Variants in SLC28A1 observed in about 807,000 individuals in gnomAD.
The protein encoded by SLC28A1 is solute carrier family 28 member 1.
In SLC28A1, 64 loss-of-function variants were observed where a neutral mutation model predicts 74.8. The ratio of observed to expected loss-of-function variants is 0.86; its 90% CI spans 0.70 to 1.05. SLC28A1 has a LOEUF of 1.05. Among genes scored for constraint, SLC28A1 ranks in the 50% least tolerant of loss-of-function variants. The pLI is 0.00. For synonymous variants in SLC28A1, 359 were observed against 335.0 expected, an observed-to-expected ratio of 1.07 and a Z score of -0.78; for missense variants, 828 against 822.8, an observed-to-expected ratio of 1.01 and a Z score of -0.08.
rs1972943093 is a variant in SLC28A1, at chr15:84,943,441, T to G, written c.1582-4T>G. 6.2e-7 allele frequency: 1 copy of G among 1,612,612 alleles called. No homozygotes were observed. The highest frequency in any genetic ancestry group is 1.7e-5 in the Admixed American group (1 of 59,992). Reference sequence around the variant, plus strand: ...CCCTCCTCATGCATCTTCTGTATTTTCAGGTCAGAGCTGAAGTCCTCACGA... The same window carrying G: ...CCCTCCTCATGCATCTTCTGTATTTGCAGGTCAGAGCTGAAGTCCTCACGA... On this transcript the variant is annotated splice_polypyrimidine_tract_variant and splice_region_variant and intron_variant, in intron 15 of 18. Transcript: ENST00000394573.
chr15:84,956,476 T>TTTCTTTCC, the SLC28A1 span, among the ~76,000 whole-genome samples: 976 of 119,834 alleles, frequency 8.1e-3, 19 homozygotes, highest in African/African-American at 0.028. Context: ...TCCTTCTTTC[T>TTTCTTTCC]TTCTTTCTTT....
intron 1 of SLC28A1, chr15:84,886,107 C>T (rs1964570228): frequency 2.0e-6 from 2 of 984,010 alleles, no homozygotes; most frequent in African/African-American, 3.5e-5. Context: ...GCATTCAGCC[C>T]TTCGCTTTGC....
intron 13 of SLC28A1, 63 bp downstream of exon 13, chr15:84,933,338 G>A: frequency 1.3e-6 from 2 of 1,578,012 alleles, no homozygotes; most frequent in Non-Finnish European, 1.7e-6. Flanking sequence ...GCAAAGCAGA[G>A]GGTCCCGTTC....
At position 84,894,986 on chromosome 15, in the gene SLC28A1, G is replaced by A. The variant is rs771711752; in HGVS notation, c.324G>A (p.Arg108=). The change falls in exon 6 of 19, where the codon AGG becomes AGA. Residue 108 remains arginine, a synonymous_variant. Transcript: ENST00000394573. ...LLVACLLDFQ[R]ALALFVLTCV... ...TGGCCTGCCTCCTGGATTTCCAGAG[G>A]GCCCTGGCTCTGTTTGTCCTCACCT... 1.5e-5 allele frequency: 25 copies of A among 1,614,068 alleles called. No homozygotes were observed. In the South Asian group the frequency reaches 2.3e-4, roughly 15 times the overall value.
chr15:84,885,018 G>A lies in SLC28A1; in HGVS notation c.-133+267G>A, dbSNP rs147078107. 8.2e-3 allele frequency among the ~76,000 whole-genome samples: 1,244 copies of A among 152,274 alleles called. 16 individuals carry two copies. The highest frequency in any genetic ancestry group is 0.029 in the African/African-American group (1,185 of 41,556). On this transcript the variant is annotated intron_variant, in intron 1 of 18. Transcript: ENST00000394573. ...CTGTTGCCGAGGCTGGAGTGCAGTG[G>A]TGTGATCTCTGCTCACTGCAGCCTC...
chr15:84,933,869 G>C (rs1971585322), intron 13 of SLC28A1, among the ~76,000 whole-genome samples: 1 of 152,190 alleles, frequency 6.6e-6, no homozygotes, highest in Admixed American at 6.5e-5. Context: ...CAGCAACTTA[G>C]GGGGCTGAGG....
chr15:84,944,770 C>T lies in SLC28A1; in HGVS notation c.1777C>T (p.Pro593Ser). 9 of 1,613,750 alleles carry T rather than the reference C, an allele frequency of 5.6e-6. No homozygotes were observed. The highest frequency in any genetic ancestry group is 7.6e-6 in the Non-Finnish European group (9 of 1,179,668). The change falls in exon 18 of 19, where the codon CCC becomes TCC. Residue 593 changes from proline to serine, a missense_variant. Transcript: ENST00000394573. The part of the protein sequence containing the change: ...NACMAGILYM[P>S]RGAEVDCMSL... Reference sequence around the variant, plus strand: ...TCCCTCTACAGGGATCCTCTACATGCCCAGGGGGGCTGAAGTTGACTGCAT... The same window carrying T: ...TCCCTCTACAGGGATCCTCTACATGTCCAGGGGGGCTGAAGTTGACTGCAT...
In SLC28A1 at chr15:84,920,314, C is replaced by T. The variant is rs764011761; in HGVS notation, c.877-675C>T. 8.5e-5 allele frequency among the ~76,000 whole-genome samples: 13 copies of T among 152,176 alleles called. 1 individual carries two copies. Among genetic ancestry groups the T allele is most frequent in the Admixed American group, 2.6e-4 (4 of 15,268 alleles). On this transcript the variant is annotated intron_variant, in intron 10 of 18. Transcript: ENST00000394573. ...TACAAAAATTAGCCGGGCATGGTGG[C>T]GAGTGCCTGTAGTCCCAACTACTCA... is the stretch of plus-strand genomic sequence containing the variant.
chr15:84,922,524 C>T (rs554446128), intron 11 of SLC28A1, among the ~76,000 whole-genome samples: 9 of 152,166 alleles, frequency 5.9e-5, no homozygotes, highest in Non-Finnish European at 8.8e-5. Flanking sequence ...TACAACCCCC[C>T]GCTGCCCGGG....
chr15:84,921,001 A>G lies in SLC28A1; in HGVS notation c.889A>G (p.Met297Val), dbSNP rs1208338963. Residue 297 changes from methionine to valine, a missense_variant, in exon 11 of 19, where the codon ATG (methionine) becomes GTG (valine). Physicochemically the swap from Met to Val is conservative, Grantham distance 21. This residue lies in a region of SLC28A1 where 767 missense variants were observed against 753.5 expected (regional missense o/e 1.02). Transcript: ENST00000394573. ...TGCTTCCTTCTAGATTGCCTGGCTG[A>G]TGCAAGTCACCATGGGCACCACAGC... is the stretch of plus-strand genomic sequence containing the variant. ...QWVILKIAWLMQVTMGTTATE... is the reference protein window; with the variant it reads ...QWVILKIAWLVQVTMGTTATE... The G allele has an allele frequency of 6.2e-7, 1 of 1,613,876 alleles. No individual in the cohort carries two copies. Among genetic ancestry groups the G allele is most frequent in the Non-Finnish European group, 8.5e-7 (1 of 1,179,778 alleles).
At chr15:84,944,979 C>T in intron 18 of SLC28A1, 112 bp downstream of exon 18, 1 of 1,059,760 alleles carries the variant, frequency 9.4e-7, no homozygotes. Flanking sequence ...GTTACGGCTG[C>T]AGCTAATGGG....
At chr15:84,906,878 T>C (rs1967336519) in intron 8 of SLC28A1, among the ~76,000 whole-genome samples, 1 of 152,220 alleles carries the variant, frequency 6.6e-6, no homozygotes, top group African/African-American at 2.4e-5. Context: ...AAAAGAAAAT[T>C]AGAACAAATT....
At chr15:84,910,702 TG>T (rs1278048157) in intron 9 of SLC28A1, among the ~76,000 whole-genome samples, 1 of 152,154 alleles carries the variant, frequency 6.6e-6, no homozygotes, top group African/African-American at 2.4e-5. Context: ...CACTCCAGCC[TG>T]GGCAACAAGA....
At chr15:84,934,986 G>C in intron 13 of SLC28A1, 40 bp from the exon 14 acceptor site, 1 of 1,588,938 alleles carries the variant, frequency 6.3e-7, no homozygotes, top group Non-Finnish European at 8.6e-7. Context: ...GCTGGTTGTG[G>C]AGACAGGCCA....
At chr15:84,961,012 T>C in the SLC28A1 span, among the ~76,000 whole-genome samples, 5 of 152,228 alleles carry the variant, frequency 3.3e-5, no homozygotes, top group East Asian at 9.7e-4. Context: ...GACACATACA[T>C]GGTTGAGTTC....
At chr15:84,892,175 C>A (rs1019459442) in intron 5 of SLC28A1, among the ~76,000 whole-genome samples, 5 of 151,696 alleles carry the variant, frequency 3.3e-5, no homozygotes, top group African/African-American at 1.2e-4. Flanking sequence ...CACAGCAAGA[C>A]CCCACCTCTA....
chr15:84,889,677 T>C (rs540049998), intron 4 of SLC28A1, among the ~76,000 whole-genome samples: 15 of 109,828 alleles, frequency 1.4e-4, no homozygotes, highest in South Asian at 3.6e-4. Context: ...TCCTTCCTTC[T>C]TTCCTTCCTT....
At chr15:84,961,679 C>CTGTTACGGCA in the SLC28A1 span, 1 of 332,748 alleles carries the variant, frequency 3.0e-6, no homozygotes, top group African/African-American at 2.2e-5. Context: ...ACTAAGATTC[C>CTGTTACGGCA]GAGACTGTTA....
chr15:84,895,324 A>G, intron 6 of SLC28A1: 1 of 1,610,812 alleles, frequency 6.2e-7, no homozygotes. Flanking sequence ...AGTCCCAGTT[A>G]CAGCAGGTGA....
Sources: gnomAD v4.1 joint callset for allele counts (sites outside exome capture counted in the v4.1 genomes callset) on GRCh38, gnomAD v4.1.1 for gene constraint, gnomAD v4.1.1 regional missense constraint, MANE v1.5 for transcripts, NCBI Gene and HGNC (gene_info 2026-07-23, HGNC 2026-07-21) for gene names.